The following UNC13C variants were observed in gnomAD, a reference collection of about 807,000 sequenced individuals.
The protein encoded by UNC13C is protein unc-13 homolog C.
A neutral mutation model predicts 245.4 loss-of-function variants in UNC13C; 174 were observed. The ratio of observed to expected loss-of-function variants is 0.71; its 90% confidence interval spans 0.63 to 0.80. The LOEUF (loss-of-function observed/expected upper bound fraction) is 0.80, where lower values mean the gene tolerates loss of function less well. Ranked by LOEUF, UNC13C falls within the 30% of genes least tolerant of loss-of-function variation. The pLI is 0.00. For synonymous variants in UNC13C, 992 were observed against 895.1 expected (o/e 1.11, Z -1.93); for missense variants, 2,829 against 2,602.9 (o/e 1.09, Z -1.89).
chr15:54,285,721 A>G (rs1157874260), intron 10 of UNC13C, among the ~76,000 whole-genome samples: 1 of 152,152 alleles, frequency 6.6e-6, no homozygotes, highest in Non-Finnish European at 1.5e-5. Flanking sequence ...TTTTTATTGT[A>G]ACAGAAAAAA....
At chr15:54,400,298 A>G (rs1323218676) in intron 18 of UNC13C, among the ~76,000 whole-genome samples, 1 of 152,048 alleles carries the variant, frequency 6.6e-6, no homozygotes, top group Admixed American at 6.6e-5. Flanking sequence ...TCAGGATCCA[A>G]ATAAGGTGTT....
At chr15:54,454,565 TGG>T (rs71105809) in intron 19 of UNC13C, among the ~76,000 whole-genome samples, 57,947 of 99,750 alleles carry the variant, frequency 0.58, 11,711 homozygotes, top group East Asian at 0.68. Flanking sequence ...GCAACAATAG[TGG>T]GGGAAAAAAA....
At chr15:53,847,268 T>C in the UNC13C span, among the ~76,000 whole-genome samples, 2 of 152,118 alleles carry the variant, frequency 1.3e-5, no homozygotes, top group African/African-American at 4.8e-5. Flanking sequence ...CCAATTTGTA[T>C]ATCAAGAACA....
chr15:54,324,180 T>C (rs547524216), intron 14 of UNC13C, among the ~76,000 whole-genome samples: 9 of 152,184 alleles, frequency 5.9e-5, no homozygotes, highest in Admixed American at 5.2e-4. Context: ...TCAAAAATAA[T>C]GCCATTTGAT....
chr15:54,556,758 A>G (rs543549169), intron 29 of UNC13C, among the ~76,000 whole-genome samples: 1 of 151,824 alleles, frequency 6.6e-6, no homozygotes, highest in South Asian at 2.1e-4. Context: ...GAAAAAAAAT[A>G]AGCTCTAGCA....
intron 26 of UNC13C, among the ~76,000 whole-genome samples, chr15:54,533,663 G>A (rs1162975780): frequency 6.6e-6 from 1 of 152,188 alleles, no homozygotes; most frequent in Non-Finnish European, 1.5e-5. Flanking sequence ...GGGAATGCAG[G>A]CCATTATGAC....
intron 2 of UNC13C, among the ~76,000 whole-genome samples, chr15:54,033,601 T>A (rs1433126603): frequency 6.6e-6 from 1 of 152,176 alleles, no homozygotes; most frequent in African/African-American, 2.4e-5. Context: ...GAATAAGTAT[T>A]GTGAATAAAA....
chr15:54,170,772 T>C (rs1488387702), intron 4 of UNC13C, among the ~76,000 whole-genome samples: 1 of 152,130 alleles, frequency 6.6e-6, no homozygotes, highest in Non-Finnish European at 1.5e-5. Flanking sequence ...TGTAAGTATG[T>C]TTTGGCTGTA....
At chr15:54,134,225 C>G (rs946872269) in intron 2 of UNC13C, among the ~76,000 whole-genome samples, 1 of 151,904 alleles carries the variant, frequency 6.6e-6, no homozygotes. Context: ...TTTCCCCCAC[C>G]CCCAGCCCTG....
At chr15:54,028,768 G>A (rs1020515485) in intron 2 of UNC13C, among the ~76,000 whole-genome samples, 1 of 130,582 alleles carries the variant, frequency 7.7e-6, no homozygotes, top group Non-Finnish European at 1.5e-5. Flanking sequence ...TTGGCTCACC[G>A]CAAGCTCCAC....
the UNC13C span, among the ~76,000 whole-genome samples, chr15:53,958,498 G>A: frequency 6.6e-6 from 1 of 152,124 alleles, no homozygotes; most frequent in African/African-American, 2.4e-5. Context: ...ACTAGAAAGG[G>A]CTGAATACAG....
intron 13 of UNC13C, chr15:54,320,792 G>C: frequency 2.9e-6 from 1 of 349,168 alleles, no homozygotes; most frequent in Admixed American, 3.2e-5. Flanking sequence ...TGGTTTCCTG[G>C]TTGGCAAAGT....
chr15:54,337,696 T>C (rs2038621748), intron 16 of UNC13C, among the ~76,000 whole-genome samples: 1 of 152,218 alleles, frequency 6.6e-6, no homozygotes, highest in Admixed American at 6.5e-5. Flanking sequence ...TTTCTATTTT[T>C]TTCATAGCCC....
chr15:53,892,033 GGAGCTCTTGTAAGGCAA>G, the UNC13C span, among the ~76,000 whole-genome samples: 443 of 152,282 alleles, frequency 2.9e-3, 3 homozygotes, highest in Admixed American at 0.023. Context: ...GTTTCCTTCA[GGAGCTCTTGTAAGGCAA>G]GAGCCTTACA....
Position 54,014,544 on chromosome 15 carries a change from T to A in UNC13C, c.1641T>A (p.Ser547Arg). 1 of 1,613,846 alleles carries A rather than the reference T, an allele frequency of 6.2e-7. No homozygotes were observed. Among genetic ancestry groups the A allele is most frequent in the South Asian group, 1.1e-5 (1 of 91,066 alleles). The part of the protein sequence containing the change: ...SQSDFFTAKL[S>R]RSESDFSKLC... Reference sequence around the variant, plus strand: ...GTGATTTTTTCACTGCTAAACTTAGTCGTTCTGAATCAGATTTTTCCAAAT... The same window carrying A: ...GTGATTTTTTCACTGCTAAACTTAGACGTTCTGAATCAGATTTTTCCAAAT... Residue 547 changes from serine (S) to arginine (R), a missense_variant, in exon 2 of 33, where the codon AGT (serine) becomes AGA (arginine). By Grantham distance (110) the Ser-to-Arg change is moderately radical. Coordinates refer to ENST00000260323, the MANE Select transcript of UNC13C (RefSeq NM_001080534.3).
chr15:53,860,100 C>T, the UNC13C span, among the ~76,000 whole-genome samples: 2 of 152,236 alleles, frequency 1.3e-5, no homozygotes, highest in East Asian at 3.9e-4. Context: ...ATATTGATGA[C>T]CCCTTGTTGA....
chr15:53,864,006 G>A, the UNC13C span, among the ~76,000 whole-genome samples: 1 of 152,050 alleles, frequency 6.6e-6, no homozygotes, highest in Non-Finnish European at 1.5e-5. Context: ...TCCTCATTTG[G>A]AACATTTCAG....
intron 24 of UNC13C, chr15:54,512,318 A>G (rs976807687): frequency 2.2e-6 from 1 of 455,882 alleles, no homozygotes; most frequent in South Asian, 1.5e-5. Flanking sequence ...GTCTTTGTCC[A>G]ACATCTTTGA....
At chr15:54,380,254 C>A (rs1278751854) in intron 17 of UNC13C, among the ~76,000 whole-genome samples, 1 of 151,958 alleles carries the variant, frequency 6.6e-6, no homozygotes, top group Non-Finnish European at 1.5e-5. Flanking sequence ...CTGTGCCTGG[C>A]TTAATCCCCT....
Sources: allele counts gnomAD v4.1 joint callset (sites outside exome capture counted in the v4.1 genomes callset), GRCh38; gene constraint gnomAD v4.1.1; transcripts MANE v1.5; gene names NCBI Gene and HGNC (gene_info 2026-07-23, HGNC 2026-07-21).